The following RPTOR variants were observed in gnomAD, a reference collection of about 807,000 sequenced individuals.
RPTOR encodes the protein regulatory associated protein of MTOR complex 1.
In RPTOR, 21 loss-of-function variants were observed where a neutral mutation model predicts 169.9. The observed-to-expected ratio is 0.12, with a 90% CI of 0.09 to 0.18. RPTOR has a LOEUF of 0.18. Among genes scored for constraint, RPTOR ranks in the 10% least tolerant of loss-of-function variants. RPTOR has a pLI of 1.00. For missense variants in RPTOR, 1,133 were observed against 1,855.9 expected, an observed-to-expected ratio of 0.61 and a Z score of 7.16; for synonymous variants, 732 against 753.2, an observed-to-expected ratio of 0.97 and a Z score of 0.46.
chr17:80,848,366 G>T (rs1257048288), intron 11 of RPTOR, among the ~76,000 whole-genome samples: 1 of 152,204 alleles, frequency 6.6e-6, no homozygotes, highest in Non-Finnish European at 1.5e-5. Flanking sequence ...TTTGGACATT[G>T]CAAAAAGAAT....
intron 3 of RPTOR, among the ~76,000 whole-genome samples, chr17:80,670,546 A>G (rs978211974): frequency 8.6e-5 from 13 of 151,896 alleles, no homozygotes; most frequent in African/African-American, 3.1e-4. Flanking sequence ...CCTCTCACAC[A>G]CTGTGCAGTT....
intron 4 of RPTOR, among the ~76,000 whole-genome samples, chr17:80,715,414 T>A (rs2066231213): frequency 1.3e-5 from 2 of 152,320 alleles, no homozygotes; most frequent in East Asian, 3.9e-4. Context: ...CCTATATCAA[T>A]CGGCTTCTTT....
chr17:80,929,881 T>C (rs68120541), intron 24 of RPTOR, among the ~76,000 whole-genome samples: 51,580 of 152,064 alleles, frequency 0.34, 8,885 homozygotes, highest in East Asian at 0.48. Flanking sequence ...TCTGTTTTGT[T>C]TTGTTTTTCT....
chr17:80,578,232 T>C (rs2064983006), intron 1 of RPTOR, among the ~76,000 whole-genome samples: 2 of 152,164 alleles, frequency 1.3e-5, no homozygotes, highest in African/African-American at 4.8e-5. Flanking sequence ...GTGGTACATT[T>C]CACTCCAGAT....
At chr17:80,724,807 G>A (rs1326633922) in intron 4 of RPTOR, among the ~76,000 whole-genome samples, 1 of 152,178 alleles carries the variant, frequency 6.6e-6, no homozygotes, top group Non-Finnish European at 1.5e-5. Context: ...AGGGGCCGTG[G>A]GAGAAGAAGC....
chr17:80,702,054 T>C (rs1199846250), intron 3 of RPTOR, among the ~76,000 whole-genome samples: 3 of 152,190 alleles, frequency 2.0e-5, no homozygotes, highest in Admixed American at 6.5e-5. Context: ...GAGAAGGAGC[T>C]CCAATACCAA....
chr17:80,823,425 T>A lies in RPTOR; in HGVS notation c.1136+202T>A. The A allele has an allele frequency of 1.6e-6, 1 of 623,700 alleles. No homozygotes were observed. Among genetic ancestry groups the A allele is most frequent in the Non-Finnish European group, 2.6e-6 (1 of 384,230 alleles). 38.6% of individuals were successfully genotyped at this position (623,700 alleles called of 1,614,324 possible). A position where few individuals can be genotyped will look rare whatever the true frequency, so the allele number is the denominator to read the frequency against. ...GGGTCTCCTTCAGAGGGCAGAAGCC[T>A]TGGAGGGCCTTTTAGGACTGCACGG... On this transcript the variant is annotated intron_variant, in intron 9 of 33. Transcript: ENST00000306801. The surrounding 1 kb of genome is among the most constrained non-coding windows in gnomAD (Gnocchi z 4.5).
intron 13 of RPTOR, among the ~76,000 whole-genome samples, chr17:80,864,543 A>G (rs2067965133): frequency 6.6e-6 from 1 of 152,226 alleles, no homozygotes; most frequent in African/African-American, 2.4e-5. Context: ...TTCTATACCC[A>G]CTGAAAATAT....
chr17:80,932,043 G>A (rs1330503548), intron 24 of RPTOR, among the ~76,000 whole-genome samples: 1 of 152,066 alleles, frequency 6.6e-6, no homozygotes, highest in Non-Finnish European at 1.5e-5. Flanking sequence ...CATGCTGAGT[G>A]TCACCATGGC....
At chr17:80,883,357 G>A in intron 14 of RPTOR, 62 bp from the exon 15 acceptor site, 2 of 1,416,554 alleles carry the variant, frequency 1.4e-6, no homozygotes, top group Non-Finnish European at 2.0e-6. Context: ...TCACGCTGTT[G>A]TACTTTGGGA....
intron 24 of RPTOR, among the ~76,000 whole-genome samples, chr17:80,931,490 C>T (rs781489684): frequency 1.9e-4 from 29 of 152,202 alleles, no homozygotes; most frequent in Non-Finnish European, 3.2e-4. Flanking sequence ...TGGGCCCTCA[C>T]CCAGAAGATT....
chr17:80,907,867 C>T (rs1379519903), intron 20 of RPTOR, among the ~76,000 whole-genome samples: 1 of 152,228 alleles, frequency 6.6e-6, no homozygotes, highest in Non-Finnish European at 1.5e-5. Context: ...CCTCTTCCAC[C>T]AGGCCTTCCT....
intron 1 of RPTOR, among the ~76,000 whole-genome samples, chr17:80,596,915 G>T (rs985868753): frequency 2.0e-4 from 30 of 152,232 alleles, no homozygotes; most frequent in African/African-American, 7.2e-4. Flanking sequence ...TGTTTTTAAG[G>T]CCTGGAGCTT....
At chr17:80,743,880 G>GTTA (rs2066521494) in intron 5 of RPTOR, among the ~76,000 whole-genome samples, 2 of 111,472 alleles carry the variant, frequency 1.8e-5, no homozygotes, top group African/African-American at 7.6e-5. Context: ...CACAGCCCTG[G>GTTA]CTACTAGCAC....
At chr17:80,791,551 T>A in intron 7 of RPTOR, 42 bp downstream of exon 7, 1 of 1,570,312 alleles carries the variant, frequency 6.4e-7, no homozygotes, top group Non-Finnish European at 8.7e-7. Flanking sequence ...CTGGATCTGA[T>A]GAGTTTCTTT....
At chr17:80,795,299 A>G (rs947739451) in intron 7 of RPTOR, among the ~76,000 whole-genome samples, 1 of 152,214 alleles carries the variant, frequency 6.6e-6, no homozygotes, top group Non-Finnish European at 1.5e-5. Flanking sequence ...AGGATTGAAA[A>G]AGAGAAGCAA....
At chr17:80,710,509 C>T (rs1362649329) in intron 4 of RPTOR, among the ~76,000 whole-genome samples, 1 of 151,218 alleles carries the variant, frequency 6.6e-6, no homozygotes, top group Non-Finnish European at 1.5e-5. Context: ...AAGTACAATT[C>T]TTAATTTGGT....
chr17:80,678,944 G>C (rs550424392), intron 3 of RPTOR, among the ~76,000 whole-genome samples: 1 of 152,348 alleles, frequency 6.6e-6, no homozygotes, highest in African/African-American at 2.4e-5. Flanking sequence ...GGCGATGTTT[G>C]TGTTTGTTTT....
At chr17:80,813,316 A>G (rs376505765) in intron 7 of RPTOR, among the ~76,000 whole-genome samples, 1 of 152,244 alleles carries the variant, frequency 6.6e-6, no homozygotes, top group Non-Finnish European at 1.5e-5. Context: ...TATTAGCTTA[A>G]GAAAAAGTAT....
Sources: allele counts gnomAD v4.1 joint callset (sites outside exome capture counted in the v4.1 genomes callset), GRCh38; gene constraint gnomAD v4.1.1; non-coding constraint Gnocchi (gnomAD v3.1); transcripts MANE v1.5; gene names NCBI Gene and HGNC (gene_info 2026-07-23, HGNC 2026-07-21).